TRPS1: variants seen among roughly 807,000 people sequenced by gnomAD.
The protein encoded by TRPS1 is zinc finger transcription factor Trps1.
A neutral mutation model predicts 101.2 loss-of-function variants in TRPS1; 6 were observed. The ratio of observed to expected loss-of-function variants is 0.06; its 90% confidence interval spans 0.03 to 0.12. The LOEUF is 0.12. TRPS1 is among the 10% of genes least tolerant of loss of function. The probability of loss-of-function intolerance (pLI) is 1.00; values close to 1 mark genes in which losing one functional copy is unlikely to be tolerated. For synonymous variants in TRPS1, 578 were observed against 589.8 expected, an observed-to-expected ratio of 0.98 and a Z score of 0.29; for missense variants, 1,363 against 1,567.0, an observed-to-expected ratio of 0.87 and a Z score of 2.20.
At chr8:115,519,847 T>C (rs1815814657) in intron 5 of TRPS1, among the ~76,000 whole-genome samples, 1 of 151,712 alleles carries the variant, frequency 6.6e-6, no homozygotes, top group Non-Finnish European at 1.5e-5. Context: ...TTATATTGAA[T>C]ATAATGTTTT....
intron 5 of TRPS1, among the ~76,000 whole-genome samples, chr8:115,580,459 T>C (rs1467154524): frequency 6.6e-6 from 1 of 152,034 alleles, no homozygotes. Context: ...TCTGGCCCTG[T>C]GCTCCTGAAA....
chr8:115,426,197 T>A (rs1465925475), intron 5 of TRPS1, among the ~76,000 whole-genome samples: 1 of 152,120 alleles, frequency 6.6e-6, no homozygotes, highest in Non-Finnish European at 1.5e-5. Context: ...AGGAAAAAAA[T>A]ACTAAAAGGC....
chr8:115,523,684 C>T (rs76796524), intron 5 of TRPS1, among the ~76,000 whole-genome samples: 7,866 of 152,174 alleles, frequency 0.052, 281 homozygotes, highest in Middle Eastern at 0.1. Flanking sequence ...TATCGCAAAG[C>T]CAACCTGAAA....
At chr8:115,628,445 A>G (rs570646262) in intron 1 of TRPS1, among the ~76,000 whole-genome samples, 1 of 151,978 alleles carries the variant, frequency 6.6e-6, no homozygotes, top group Admixed American at 6.6e-5. Context: ...TTACACACAC[A>G]CACACACAGG....
intron 1 of TRPS1, among the ~76,000 whole-genome samples, chr8:115,638,915 A>G (rs1818832036): frequency 6.6e-6 from 1 of 152,304 alleles, no homozygotes; most frequent in Non-Finnish European, 1.5e-5. Flanking sequence ...AATTTCTTAT[A>G]TTCCTCCTAT....
intron 1 of TRPS1, among the ~76,000 whole-genome samples, chr8:115,660,755 GACTTA>G (rs1402575851): frequency 6.6e-6 from 1 of 151,688 alleles, no homozygotes; most frequent in African/African-American, 2.4e-5. Context: ...ATTAACTTCT[GACTTA>G]ACTTAAAAGT....
chr8:115,486,454 A>C (rs1382298289), intron 5 of TRPS1, among the ~76,000 whole-genome samples: 2 of 152,242 alleles, frequency 1.3e-5, no homozygotes, highest in Non-Finnish European at 2.9e-5. Flanking sequence ...CTCACTTTAA[A>C]GGAAAAAACA....
chr8:115,543,344 T>C lies in TRPS1; in HGVS notation c.2700+43657A>G, dbSNP rs73373230. On this transcript the variant is annotated intron_variant, in intron 5 of 6. Transcript: ENST00000395715. ...TTGGGTTATGTATTACACATCCACC[T>C]CTAATATGGAGTTTTATCTATTGTC... 9.4e-3 allele frequency among the ~76,000 whole-genome samples: 1,437 copies of C among 152,278 alleles called. 16 individuals carry two copies. Among genetic ancestry groups the C allele is most frequent in the African/African-American group, 0.033 (1,356 of 41,554 alleles).
intron 1 of TRPS1, among the ~76,000 whole-genome samples, chr8:115,630,455 C>T (rs150735831): frequency 6.6e-6 from 1 of 151,836 alleles, no homozygotes; most frequent in African/African-American, 2.4e-5. Flanking sequence ...GTTGTGGACC[C>T]CTATCATAAC....
intron 3 of TRPS1, among the ~76,000 whole-genome samples, chr8:115,613,551 A>C (rs1818216407): frequency 1.3e-5 from 2 of 152,228 alleles, no homozygotes; most frequent in Non-Finnish European, 2.9e-5. Context: ...GTGGTTGTGA[A>C]GACAGGCTTC....
intron 5 of TRPS1, among the ~76,000 whole-genome samples, chr8:115,512,447 T>G (rs1216924962): frequency 6.6e-6 from 1 of 151,638 alleles, no homozygotes; most frequent in African/African-American, 2.4e-5. Flanking sequence ...TCATTGTTCT[T>G]AGACAACTAT....
chr8:115,532,807 C>T (rs1429961612), intron 5 of TRPS1, among the ~76,000 whole-genome samples: 2 of 152,042 alleles, frequency 1.3e-5, no homozygotes, highest in Non-Finnish European at 2.9e-5. Flanking sequence ...GAGGCTGCAT[C>T]AGAAGAGTAG....
chr8:115,631,168 G>T (rs1818633039), intron 1 of TRPS1, among the ~76,000 whole-genome samples: 1 of 152,016 alleles, frequency 6.6e-6, no homozygotes, highest in East Asian at 1.9e-4. Flanking sequence ...GCAAAACTTA[G>T]TCTTCTCCAC....
At chr8:115,635,833 T>A (rs925271857) in intron 1 of TRPS1, among the ~76,000 whole-genome samples, 7 of 152,114 alleles carry the variant, frequency 4.6e-5, no homozygotes, top group Admixed American at 1.3e-4. Flanking sequence ...ATTTTTCAAT[T>A]CCAGGAAATA....
Position 115,411,026 on chromosome 8 carries a change from T to A in TRPS1, c.*2997A>T, listed in dbSNP as rs1812777020. 1 of 151,662 alleles carries A rather than the reference T, an allele frequency of 6.6e-6. No homozygotes were observed. The highest frequency in any genetic ancestry group is 2.1e-4 in the South Asian group (1 of 4,830). 9.4% of individuals were successfully genotyped at this position (151,662 alleles called of 1,614,324 possible). A position where few individuals can be genotyped will look rare whatever the true frequency, so the allele number is the denominator to read the frequency against. On this transcript the variant is annotated 3_prime_UTR_variant, in exon 7 of 7. Coordinates refer to ENST00000395715, the MANE Select transcript of TRPS1 (RefSeq NM_014112.5). ...GAGATGGAATAAAGGCTTTAATATGTCAAAAAAGGAGTGTTTAGTGTTATA... is the reference window on the plus strand; with the variant it reads ...GAGATGGAATAAAGGCTTTAATATGACAAAAAAGGAGTGTTTAGTGTTATA...
chr8:115,492,355 G>C (rs1815044893), intron 5 of TRPS1: 1 of 430,838 alleles, frequency 2.3e-6, no homozygotes, highest in Non-Finnish European at 4.7e-6. Flanking sequence ...GAACAGACAG[G>C]GTTCCAGTGT....
intron 5 of TRPS1, among the ~76,000 whole-genome samples, chr8:115,569,664 T>C (rs371931850): frequency 6.6e-6 from 1 of 152,150 alleles, no homozygotes; most frequent in African/African-American, 2.4e-5. Context: ...TTTGCTTCTC[T>C]GACTTGGCCA....
intron 5 of TRPS1, among the ~76,000 whole-genome samples, chr8:115,538,136 G>A (rs1586379693): frequency 6.6e-6 from 1 of 152,174 alleles, no homozygotes; most frequent in South Asian, 2.1e-4. Context: ...ACTTTTCATC[G>A]TGTGCATTTT....
intron 5 of TRPS1, among the ~76,000 whole-genome samples, chr8:115,480,419 T>A (rs1329199151): frequency 5.9e-5 from 9 of 152,106 alleles, no homozygotes; most frequent in Non-Finnish European, 1.2e-4. Context: ...TTACAGGAGA[T>A]AATGTCAGTT....
Sources: allele counts gnomAD v4.1 joint callset (sites outside exome capture counted in the v4.1 genomes callset), GRCh38; gene constraint gnomAD v4.1.1; transcripts MANE v1.5; gene names NCBI Gene and HGNC (gene_info 2026-07-23, HGNC 2026-07-21).